The following CTNNA3 variants were observed in gnomAD, a reference collection of about 807,000 sequenced individuals.
CTNNA3 encodes catenin alpha 3.
In CTNNA3, 76 loss-of-function variants were observed where a neutral mutation model predicts 95.7. The ratio of observed to expected loss-of-function variants is 0.79; its 90% CI spans 0.66 to 0.96. CTNNA3 has a LOEUF of 0.96. CTNNA3 is among the 40% of genes least tolerant of loss of function. The pLI, the probability that CTNNA3 is intolerant of heterozygous loss-of-function variation, is 0.00. For missense variants in CTNNA3, 1,191 were observed against 1,089.8 expected, an observed-to-expected ratio of 1.09 and a Z score of -1.31; for synonymous variants, 431 against 374.4, an observed-to-expected ratio of 1.15 and a Z score of -1.74.
In CTNNA3 at chr10:66,115,569, G is replaced by GAGAT. The variant is rs2082301782; in HGVS notation, c.1885-12321_1885-12320insATCT. ...AGATAGATAGATAGATAGATAGATA[G>GAGAT]ACAGATAGATGATAGATAGATAGAG... is the stretch of plus-strand genomic sequence containing the variant. On this transcript the variant is annotated intron_variant, in intron 13 of 17. Transcript: ENST00000433211. Among the ~76,000 whole-genome samples the GAGAT allele has an allele frequency of 1.3e-4, 14 of 105,402 alleles. No individual in the cohort carries two copies. In the Admixed American group the frequency reaches 1.4e-3, roughly 11 times the overall value. The allele number at this position is 105,402 out of a possible 152,430, so 69.1% of individuals were successfully genotyped here. A position where few individuals can be genotyped will look rare whatever the true frequency, so the allele number is the denominator to read the frequency against.
At chr10:66,477,303 G>A (rs1395030514) in intron 11 of CTNNA3, among the ~76,000 whole-genome samples, 4 of 151,958 alleles carry the variant, frequency 2.6e-5, no homozygotes, top group African/African-American at 4.8e-5. Context: ...TTGTATTTGG[G>A]TTTATCTTTT....
chr10:67,751,843 A>C (rs1841409440), intron 1 of CTNNA3, among the ~76,000 whole-genome samples: 1 of 151,868 alleles, frequency 6.6e-6, no homozygotes. Flanking sequence ...AACCAAAAAA[A>C]AAAAAAAAAG....
intron 15 of CTNNA3, among the ~76,000 whole-genome samples, chr10:65,999,623 T>C (rs1564568651): frequency 6.6e-6 from 1 of 152,144 alleles, no homozygotes; most frequent in Non-Finnish European, 1.5e-5. Flanking sequence ...TACAAATGAG[T>C]CTATATCATG....
chr10:67,034,052 G>A (rs892038814), intron 7 of CTNNA3, among the ~76,000 whole-genome samples: 1 of 152,300 alleles, frequency 6.6e-6, no homozygotes, highest in East Asian at 1.9e-4. Context: ...GACTACAGGC[G>A]TGAGCCACCG....
At chr10:66,678,019 C>T (rs1846926067) in intron 9 of CTNNA3, among the ~76,000 whole-genome samples, 1 of 152,150 alleles carries the variant, frequency 6.6e-6, no homozygotes, top group South Asian at 2.1e-4. Context: ...CAAAACCATA[C>T]AATCTCACTT....
At chr10:67,481,054 T>C (rs1009931358) in intron 5 of CTNNA3, among the ~76,000 whole-genome samples, 12 of 152,236 alleles carry the variant, frequency 7.9e-5, no homozygotes, top group African/African-American at 2.9e-4. Context: ...ATCAAGATGA[T>C]CATATGGTTT....
intron 12 of CTNNA3, among the ~76,000 whole-genome samples, chr10:66,318,964 G>A (rs889638538): frequency 2.0e-5 from 3 of 151,308 alleles, no homozygotes; most frequent in Non-Finnish European, 2.9e-5. Context: ...AAGAGCACTC[G>A]TTCACGCATT....
rs189208918 is a variant in CTNNA3 at position 66,978,102 on chromosome 10, G to A, written c.1047+202215C>T. On this transcript the variant is annotated intron_variant, in intron 7 of 17. Transcript: ENST00000433211. The stretch of plus-strand genomic sequence containing the variant: ...CACACACACACACACATGCGATGAC[G>A]TTCCTGAAAATATGATCCTAGATAA... 1.0e-3 allele frequency among the ~76,000 whole-genome samples: 154 copies of A among 151,166 alleles called. 2 individuals are homozygous for A. In the Middle Eastern group the frequency reaches 0.021, roughly 20 times the overall value.
intron 7 of CTNNA3, among the ~76,000 whole-genome samples, chr10:67,010,613 G>T (rs187113236): frequency 6.6e-6 from 1 of 152,110 alleles, no homozygotes; most frequent in Non-Finnish European, 1.5e-5. Context: ...CTTTACCACC[G>T]CCACCACCAC....
chr10:66,751,192 C>T (rs7913648), intron 9 of CTNNA3, among the ~76,000 whole-genome samples: 3 of 152,102 alleles, frequency 2.0e-5, no homozygotes, highest in South Asian at 2.1e-4. Flanking sequence ...CGCTTGAACC[C>T]GGGAGGCAGA....
chr10:66,353,265 T>G (rs1438102701), intron 12 of CTNNA3, among the ~76,000 whole-genome samples: 1 of 152,098 alleles, frequency 6.6e-6, no homozygotes, highest in Admixed American at 6.5e-5. Flanking sequence ...CTTTCCTAAT[T>G]TTCATTGCTA....
intron 13 of CTNNA3, among the ~76,000 whole-genome samples, chr10:66,222,185 T>C (rs1393634423): frequency 6.6e-6 from 1 of 152,218 alleles, no homozygotes; most frequent in African/African-American, 2.4e-5. Flanking sequence ...TCTCTTAGTC[T>C]GATTTCTCTT....
chr10:66,199,633 G>A (rs1029044758), intron 13 of CTNNA3, among the ~76,000 whole-genome samples: 18 of 150,076 alleles, frequency 1.2e-4, no homozygotes, highest in Non-Finnish European at 3.0e-5. Context: ...GCGAAGTCTT[G>A]CTCTGCCGTC....
chr10:67,663,106 T>C (rs1386334370), intron 1 of CTNNA3, among the ~76,000 whole-genome samples: 2 of 152,198 alleles, frequency 1.3e-5, no homozygotes, highest in Non-Finnish European at 2.9e-5. Context: ...GCCTAAACCC[T>C]ACCTAACTTC....
At chr10:67,519,251 T>C (rs1839911193) in intron 5 of CTNNA3, among the ~76,000 whole-genome samples, 1 of 152,140 alleles carries the variant, frequency 6.6e-6, no homozygotes, top group Non-Finnish European at 1.5e-5. Context: ...TCAAAGATGA[T>C]GTTAAAAATA....
At chr10:66,168,848 A>T (rs539710070) in intron 13 of CTNNA3, among the ~76,000 whole-genome samples, 12 of 152,312 alleles carry the variant, frequency 7.9e-5, no homozygotes, top group African/African-American at 2.4e-4. Flanking sequence ...TTGAATAATA[A>T]TTGACAAAAG....
intron 5 of CTNNA3, among the ~76,000 whole-genome samples, chr10:67,450,470 G>T (rs1846935778): frequency 6.6e-6 from 1 of 152,160 alleles, no homozygotes; most frequent in Non-Finnish European, 1.5e-5. Flanking sequence ...ATGAGATCAT[G>T]TCTTTTGAAG....
chr10:66,271,597 C>T (rs2091282617), intron 13 of CTNNA3, among the ~76,000 whole-genome samples: 1 of 152,178 alleles, frequency 6.6e-6, no homozygotes, highest in Admixed American at 6.5e-5. Context: ...ATTACCCTTC[C>T]ATTCACAATG....
chr10:66,917,431 T>C (rs1401987570), intron 7 of CTNNA3, among the ~76,000 whole-genome samples: 5 of 152,214 alleles, frequency 3.3e-5, no homozygotes, highest in African/African-American at 1.2e-4. Context: ...TAGGCTGATA[T>C]ATTTTAGAGT....
Sources: allele counts gnomAD v4.1 joint callset (sites outside exome capture counted in the v4.1 genomes callset), GRCh38; gene constraint gnomAD v4.1.1; transcripts MANE v1.5; gene names NCBI Gene and HGNC (gene_info 2026-07-23, HGNC 2026-07-21).